Variants in CACNB2 observed in about 807,000 individuals in gnomAD.
CACNB2 encodes the protein voltage-dependent L-type calcium channel subunit beta-2.
A neutral mutation model predicts 73.3 loss-of-function variants in CACNB2; 42 were observed. That is an observed-to-expected ratio of 0.57 (90% CI 0.45 to 0.74). The LOEUF (loss-of-function observed/expected upper bound fraction) is 0.74, where lower values mean the gene tolerates loss of function less well. Ranked by LOEUF, CACNB2 falls within the 30% of genes least tolerant of loss-of-function variation. The pLI is 0.00. For missense variants in CACNB2, 940 were observed against 853.0 expected, an observed-to-expected ratio of 1.10 and a Z score of -1.27; for synonymous variants, 348 against 310.3, an observed-to-expected ratio of 1.12 and a Z score of -1.28.
At chr10:18,143,014 G>A (rs2030582557) in intron 1 of CACNB2, among the ~76,000 whole-genome samples, 1 of 152,208 alleles carries the variant, frequency 6.6e-6, no homozygotes, top group African/African-American at 2.4e-5. Flanking sequence ...GTAAGCAGTC[G>A]TACATGAAAC....
chr10:18,518,295 C>A, intron 7 of CACNB2, 41 bp from the exon 8 acceptor site: 2 of 1,310,172 alleles, frequency 1.5e-6, no homozygotes, highest in Non-Finnish European at 2.2e-6. Context: ...TTATGTTCTA[C>A]CTGCCTGTGA....
chr10:18,177,535 C>T (rs1318822242), intron 2 of CACNB2, among the ~76,000 whole-genome samples: 14 of 149,586 alleles, frequency 9.4e-5, no homozygotes, highest in African/African-American at 1.7e-4. Context: ...GCTGAGATCA[C>T]GCCACGGCAC....
chr10:18,288,974 G>A (rs978475207), intron 2 of CACNB2, among the ~76,000 whole-genome samples: 1 of 152,200 alleles, frequency 6.6e-6, no homozygotes, highest in Non-Finnish European at 1.5e-5. Flanking sequence ...TAACCCAGGA[G>A]GCAGAGATTA....
rs75501764 is a variant in CACNB2 at position 18,194,496 on chromosome 10, C to G, written c.213+43521C>G. On this transcript the variant is annotated intron_variant, in intron 2 of 13. Transcript: ENST00000324631. ...TATAGCTCAGACAATTTGTAATTAT[C>G]AGGTACCCCATGGGCTTCTGGTGTT... Among the ~76,000 whole-genome samples, 1,491 of 152,290 alleles carry G rather than the reference C, an allele frequency of 9.8e-3. 33 individuals carry two copies. The highest frequency in any genetic ancestry group is 0.034 in the African/African-American group (1,415 of 41,568).
Position 18,300,633 on chromosome 10 carries a change from G to A in CACNB2, c.214-101291G>A, listed in dbSNP as rs189964033. Among the ~76,000 whole-genome samples, 7 of 152,196 alleles carry A rather than the reference G, an allele frequency of 4.6e-5. No individual in the cohort carries two copies. In the South Asian group the frequency reaches 6.2e-4, roughly 14 times the overall value. On this transcript the variant is annotated intron_variant, in intron 2 of 13. Transcript: ENST00000324631. ...AAATGCAATCTGACGGGTGAATCAC[G>A]AGGTCAGGAGTTCAAGACCAGCCTG... is the stretch of plus-strand genomic sequence containing the variant.
intron 3 of CACNB2, among the ~76,000 whole-genome samples, chr10:18,431,054 C>T (rs889094468): frequency 1.3e-5 from 2 of 152,142 alleles, no homozygotes; most frequent in Non-Finnish European, 2.9e-5. Context: ...CATATAGTAG[C>T]TCACTGTAAT....
At chr10:18,491,610 C>T (rs1295180798) in intron 3 of CACNB2, among the ~76,000 whole-genome samples, 1 of 151,916 alleles carries the variant, frequency 6.6e-6, no homozygotes, top group East Asian at 1.9e-4. Context: ...TGGTAGGCTT[C>T]CAGACCAAAA....
chr10:18,179,201 C>T (rs2033754404), intron 2 of CACNB2, among the ~76,000 whole-genome samples: 1 of 152,004 alleles, frequency 6.6e-6, no homozygotes, highest in African/African-American at 2.4e-5. Flanking sequence ...AACCCTTTAG[C>T]AGAAGACTAG....
chr10:18,324,973 C>G (rs1406041025), intron 2 of CACNB2, among the ~76,000 whole-genome samples: 1 of 152,226 alleles, frequency 6.6e-6, no homozygotes, highest in Non-Finnish European at 1.5e-5. Context: ...TTAGTATTAG[C>G]TTCATGAGCA....
chr10:18,475,426 T>G (rs951967407), intron 3 of CACNB2, among the ~76,000 whole-genome samples: 10 of 152,156 alleles, frequency 6.6e-5, no homozygotes, highest in African/African-American at 2.4e-4. Flanking sequence ...CAGTCATTCA[T>G]TAGCATGCCA....
chr10:18,218,170 CT>C (rs2035587981), intron 2 of CACNB2, among the ~76,000 whole-genome samples: 1 of 152,162 alleles, frequency 6.6e-6, no homozygotes, highest in Non-Finnish European at 1.5e-5. Context: ...AGAAATATTT[CT>C]TGTTGGACTA....
intron 2 of CACNB2, among the ~76,000 whole-genome samples, chr10:18,255,413 C>T (rs1215428652): frequency 6.6e-6 from 1 of 152,144 alleles, no homozygotes; most frequent in Non-Finnish European, 1.5e-5. Context: ...AGATGTCAAC[C>T]CCCTCTACAT....
intron 2 of CACNB2, 111 bp downstream of exon 2, chr10:18,151,086 T>A: frequency 1.3e-6 from 1 of 778,312 alleles, no homozygotes; most frequent in South Asian, 1.5e-5. Flanking sequence ...TGTACTTACT[T>A]TTAATTGAAG....
intron 2 of CACNB2, among the ~76,000 whole-genome samples, chr10:18,311,361 T>C (rs1489479824): frequency 6.6e-6 from 1 of 152,170 alleles, no homozygotes; most frequent in Non-Finnish European, 1.5e-5. Flanking sequence ...CAGCTGCGGC[T>C]CCATGTAGAT....
chr10:18,245,569 T>C (rs1237003463), intron 2 of CACNB2, among the ~76,000 whole-genome samples: 1 of 152,124 alleles, frequency 6.6e-6, no homozygotes, highest in East Asian at 1.9e-4. Flanking sequence ...GGGCTCAAGC[T>C]ATTCTCCTGC....
intron 2 of CACNB2, among the ~76,000 whole-genome samples, chr10:18,207,422 T>C (rs1250875763): frequency 6.6e-6 from 1 of 152,218 alleles, no homozygotes; most frequent in Admixed American, 6.5e-5. Flanking sequence ...TAGGTGTGTA[T>C]GTATAGGAAG....
At chr10:18,387,021 G>A (rs182664732) in intron 2 of CACNB2, among the ~76,000 whole-genome samples, 3 of 152,238 alleles carry the variant, frequency 2.0e-5, no homozygotes, top group East Asian at 1.9e-4. Flanking sequence ...GTATAATCAC[G>A]GTGTATAATA....
chr10:18,274,105 G>A (rs369703743), intron 2 of CACNB2, among the ~76,000 whole-genome samples: 123 of 152,192 alleles, frequency 8.1e-4, no homozygotes, highest in Middle Eastern at 3.4e-3. Context: ...GAAATAAGTC[G>A]GATGTCCTGG....
chr10:18,276,066 C>T (rs2038274398), intron 2 of CACNB2, among the ~76,000 whole-genome samples: 1 of 152,148 alleles, frequency 6.6e-6, no homozygotes, highest in South Asian at 2.1e-4. Context: ...TTATAGTAAT[C>T]TCAAATAATA....
Sources: gnomAD v4.1 joint callset for allele counts (sites outside exome capture counted in the v4.1 genomes callset) on GRCh38, gnomAD v4.1.1 for gene constraint, MANE v1.5 for transcripts, NCBI Gene and HGNC (gene_info 2026-07-23, HGNC 2026-07-21) for gene names.